Variants in OR10A3 observed in about 807,000 individuals in gnomAD.
OR10A3 encodes the protein olfactory receptor 10A3.
Under a neutral mutation model 1.5 loss-of-function variants are expected in OR10A3, and 1 was observed. That is an observed-to-expected ratio of 0.66 (90% CI 0.23 to 3.11). The LOEUF (loss-of-function observed/expected upper bound fraction) is 3.11. Ranked by LOEUF, OR10A3 falls within the 30% of genes most tolerant of loss-of-function variation. The pLI is 0.21. For synonymous variants in OR10A3, 145 were observed against 143.7 expected (o/e 1.01, Z -0.06); for missense variants, 398 against 369.7 (o/e 1.08, Z -0.63).
At position 7,938,541 on chromosome 11, in the gene OR10A3, G is replaced by T; in HGVS notation, c.*35C>A. On this transcript the variant is annotated 3_prime_UTR_variant, in exon 2 of 2. Transcript: ENST00000642047. ...TTAAATTTAAATAGAGTTCACTCAG[G>T]CAGTGGCCAAATCTTACTCAGCTTC... is the stretch of plus-strand genomic sequence containing the variant. The T allele has an allele frequency of 6.8e-7, 1 of 1,481,112 alleles. No individual in the cohort carries two copies. Among genetic ancestry groups the T allele is most frequent in the East Asian group, 2.3e-5 (1 of 43,972 alleles). 91.7% of individuals were successfully genotyped at this position (1,481,112 alleles called of 1,614,324 possible). A position where few individuals can be genotyped will look rare whatever the true frequency, so the allele number is the denominator to read the frequency against.
Position 7,939,432 on chromosome 11 carries a change from A to C in OR10A3, c.89T>G (p.Val30Gly). The change falls in exon 2 of 2, where the codon GTT (valine) becomes GGT (glycine). Residue 30 changes from valine (V) to glycine (G), a missense_variant. Physicochemically the swap from Val to Gly is moderately radical, Grantham distance 109. Transcript: ENST00000642047. Reference protein sequence around the residue: ...FPELQVQLFGVFLVIYVVTLM... With the variant: ...FPELQVQLFGGFLVIYVVTLM... ...GGTCACCACATAAATAACTAGGAAA[A>C]CCCCAAAGAGCTGCACCTGGAGCTC... is the stretch of plus-strand genomic sequence containing the variant. 10 of 1,613,068 alleles carry C rather than the reference A, an allele frequency of 6.2e-6. No homozygotes were observed. Among genetic ancestry groups the C allele is most frequent in the Non-Finnish European group, 8.5e-6 (10 of 1,179,774 alleles).
At chr11:7,941,489 TC>T (rs1198582839) in intron 1 of OR10A3, 97 bp downstream of exon 1, 2 of 152,166 alleles carry the variant, frequency 1.3e-5, no homozygotes, top group Non-Finnish European at 2.9e-5. Context: ...ACTACATACC[TC>T]TAAGAATTGA....
Position 7,938,838 on chromosome 11 carries a change from A to C in OR10A3, c.683T>G (p.Met228Arg). 6.2e-7 allele frequency: 1 copy of C among 1,614,224 alleles called. No individual in the cohort carries two copies. Among genetic ancestry groups the C allele is most frequent in the South Asian group, 1.1e-5 (1 of 91,088 alleles). Residue 228 changes from methionine (M) to arginine (R), a missense_variant, in exon 2 of 2, where the codon ATG becomes AGG. By Grantham distance (91) the Met-to-Arg change is moderately conservative. Coordinates refer to ENST00000642047, the MANE Select transcript of OR10A3 (RefSeq NM_001003745.2). ...CTTTTGTCTCCCAGTAGTTGATGGC[A>C]TCTTCAGGATGGCAAACAGAACTCG... ...YIRVLFAILK[M>R]PSTTGRQKAF... is the part of the protein sequence containing the mutation.
chr11:7,940,898 T>A (rs1941433120), intron 1 of OR10A3, among the ~76,000 whole-genome samples: 1 of 152,142 alleles, frequency 6.6e-6, no homozygotes, highest in Non-Finnish European at 1.5e-5. Context: ...AGAATTTTAC[T>A]GTGGGACAAG....
In OR10A3 at chr11:7,937,410, A is replaced by G. The variant is rs1049738596; in HGVS notation, c.*1166T>C. ...CTATTTAGGAACAAAAGGAAAGGCA[A>G]TTTTTTTGCCTGAGCCAGTTTCCAA... On this transcript the variant is annotated 3_prime_UTR_variant, in exon 2 of 2. Coordinates refer to ENST00000642047, the MANE Select transcript of OR10A3 (RefSeq NM_001003745.2). 2.0e-5 allele frequency: 3 copies of G among 152,078 alleles called. No homozygotes were observed. The highest frequency in any genetic ancestry group is 7.2e-5 in the African/African-American group (3 of 41,388). The allele number at this position is 152,078 out of a possible 1,614,324, so 9.4% of individuals were successfully genotyped here.
At chr11:7,940,422 C>T (rs1452486027) in intron 1 of OR10A3, among the ~76,000 whole-genome samples, 1 of 152,130 alleles carries the variant, frequency 6.6e-6, no homozygotes, top group African/African-American at 2.4e-5. Context: ...TCCTCCTGGC[C>T]TCACGAGTCC....
chr11:7,939,816 C>T (rs1941418425), intron 1 of OR10A3, 118 bp from the exon 2 acceptor site: 4 of 322,372 alleles, frequency 1.2e-5, no homozygotes, highest in Non-Finnish European at 2.2e-5. Flanking sequence ...CTCTCTCTCT[C>T]CTCTCTTAAT....
In OR10A3 at chr11:7,939,716, AGAAGT is replaced by A. The variant is rs936184913; in HGVS notation, c.-178-23_-178-19del. On this transcript the variant is annotated intron_variant, in intron 1 of 1. Coordinates refer to ENST00000642047, the MANE Select transcript of OR10A3 (RefSeq NM_001003745.2). ...TAGTGAATCTTTAAAATACAAATAA[AGAAGT>A]GAAGTATTTTGGTTCAGAAATCTTG... 1.7e-5 allele frequency: 8 copies of A among 460,012 alleles called. No homozygotes were observed. Among genetic ancestry groups the A allele is most frequent in the African/African-American group, 6.0e-5 (3 of 50,250 alleles). The allele number at this position is 460,012 out of a possible 1,614,324, so 28.5% of individuals were successfully genotyped here. A position where few individuals can be genotyped will look rare whatever the true frequency, so the allele number is the denominator to read the frequency against.
rs1347273980 is a variant in OR10A3, at chr11:7,939,048, A to G, written c.473T>C (p.Val158Ala). The G allele has an allele frequency of 1.2e-6, 2 of 1,614,062 alleles. No homozygotes were observed. The highest frequency in any genetic ancestry group is 8.5e-7 in the Non-Finnish European group (1 of 1,180,042). Residue 158 changes from valine (V) to alanine (A), a missense_variant, in exon 2 of 2, where the codon GTG (valine) becomes GCG (alanine). Physicochemically the swap from Val to Ala is moderately conservative, Grantham distance 64. Transcript: ENST00000642047. The part of the protein sequence containing the change: ...SWISGIMVAT[V>A]QTTWVFSFPF... ...AAAACTAAATACCCAAGTGGTCTGC[A>G]CAGTAGCCACCATGATCCCTGAGAT...
At position 7,938,909 on chromosome 11, in the gene OR10A3, A is replaced by C. The variant is rs1451680027; in HGVS notation, c.612T>G (p.Ile204Met). 2 of 1,614,244 alleles carry C rather than the reference A, an allele frequency of 1.2e-6. No homozygotes were observed. Among genetic ancestry groups the C allele is most frequent in the Admixed American group, 3.3e-5 (2 of 60,036 alleles). Residue 204 changes from isoleucine to methionine, a missense_variant, in exon 2 of 2, where the codon ATT (isoleucine) becomes ATG (methionine). Physicochemically the swap from Ile to Met is conservative, Grantham distance 10. Transcript: ENST00000642047. ...ACAAGAAAGGAACCATAACAATCAA[A>C]ATGGTGCCTGTGAAGGCATAGATTT... The part of the protein sequence containing the change: ...LFEIYAFTGT[I>M]LIVMVPFLLI...
Position 7,940,565 on chromosome 11 carries a change from AAAT to A in OR10A3, c.-178-870_-178-868del, listed in dbSNP as rs200089554. ...CAATCTGTACCTCAAATTTCTGACA[AAAT>A]AATATCACCCTCCCTCCGAGAAACT... is the stretch of plus-strand genomic sequence containing the variant. On this transcript the variant is annotated intron_variant, in intron 1 of 1. Coordinates refer to ENST00000642047, the MANE Select transcript of OR10A3 (RefSeq NM_001003745.2). 5.7e-3 allele frequency among the ~76,000 whole-genome samples: 868 copies of A among 152,086 alleles called. 5 individuals carry two copies. Among genetic ancestry groups the A allele is most frequent in the Middle Eastern group, 0.044 (13 of 294 alleles).
At position 7,939,109 on chromosome 11, in the gene OR10A3, T is replaced by C. The variant is rs904813035; in HGVS notation, c.412A>G (p.Arg138Gly). 6.2e-7 allele frequency: 1 copy of C among 1,613,962 alleles called. No homozygotes were observed. The highest frequency in any genetic ancestry group is 1.3e-5 in the African/African-American group (1 of 74,906). The part of the protein sequence containing the change: ...HPLNYPVIMN[R>G]GVFMKLVIFS... ...ATTACTAATTTCATAAAAACCCCTC[T>C]GTTCATAATCACTGGGTAGTTCAGA... The change falls in exon 2 of 2, where the codon AGA becomes GGA. Residue 138 changes from arginine (R) to glycine (G), a missense_variant. Coordinates refer to ENST00000642047, the MANE Select transcript of OR10A3 (RefSeq NM_001003745.2).
At chr11:7,940,624 T>C (rs990480453) in intron 1 of OR10A3, among the ~76,000 whole-genome samples, 9 of 151,084 alleles carry the variant, frequency 6.0e-5, no homozygotes, top group African/African-American at 1.9e-4. Context: ...TAAAATACAA[T>C]GCCCACTTCT....
intron 1 of OR10A3, among the ~76,000 whole-genome samples, chr11:7,941,017 G>A (rs1037436784): frequency 6.6e-6 from 1 of 152,030 alleles, no homozygotes; most frequent in Non-Finnish European, 1.5e-5. Flanking sequence ...TGACCATAGT[G>A]ATATTAAAAA....
chr11:7,941,394 A>C (rs1941441566), intron 1 of OR10A3, among the ~76,000 whole-genome samples, 193 bp downstream of exon 1: 1 of 152,166 alleles, frequency 6.6e-6, no homozygotes, highest in South Asian at 2.1e-4. Flanking sequence ...TTTCTGTATA[A>C]TCTTGGGCAA....
In OR10A3 at chr11:7,938,367, G is replaced by A; in HGVS notation, c.*209C>T. On this transcript the variant is annotated 3_prime_UTR_variant, in exon 2 of 2. Coordinates refer to ENST00000642047, the MANE Select transcript of OR10A3 (RefSeq NM_001003745.2). ...CTTGGATGTTCATAATAGAGAAATG[G>A]ATGAATAAACTGTTGTGTCATGTTA... is the stretch of plus-strand genomic sequence containing the variant. The A allele has an allele frequency of 2.0e-6, 1 of 495,840 alleles. No individual in the cohort carries two copies. The highest frequency in any genetic ancestry group is 3.5e-6 in the Non-Finnish European group (1 of 284,844). 30.7% of individuals were successfully genotyped at this position (495,840 alleles called of 1,614,324 possible).
chr11:7,939,310 C>A lies in OR10A3; in HGVS notation c.211G>T (p.Val71Leu), dbSNP rs772161705. 2 of 1,614,100 alleles carry A rather than the reference C, an allele frequency of 1.2e-6. No homozygotes were observed. Among genetic ancestry groups the A allele is most frequent in the East Asian group, 4.5e-5 (2 of 44,876 alleles). ...GGCGTAATGACTGCACTGAAACTCACCTCCACCACAGATAGGTTCAGGAGG... is the reference window on the plus strand; with the variant it reads ...GGCGTAATGACTGCACTGAAACTCAACTCCACCACAGATAGGTTCAGGAGG... The part of the protein sequence containing the change: ...LFLLNLSVVE[V>L]SFSAVITPEM... The change falls in exon 2 of 2, where the codon GTG becomes TTG. Residue 71 changes from valine to leucine, a missense_variant. Coordinates refer to ENST00000642047, the MANE Select transcript of OR10A3 (RefSeq NM_001003745.2).
chr11:7,938,976 G>A lies in OR10A3; in HGVS notation c.545C>T (p.Pro182Leu), dbSNP rs1941398053. ...NEINHLFCET[P>L]PVLELVCADT... ...TGCACACACAAGCTCTAGTACCGGG[G>A]GAGTCTCACAGAAGAGATGATTAAT... Residue 182 changes from proline (P) to leucine (L), a missense_variant, in exon 2 of 2, where the codon CCC becomes CTC. Coordinates refer to ENST00000642047, the MANE Select transcript of OR10A3 (RefSeq NM_001003745.2). The A allele has an allele frequency of 2.5e-6, 4 of 1,614,014 alleles. No individual in the cohort carries two copies. Among genetic ancestry groups the A allele is most frequent in the African/African-American group, 1.3e-5 (1 of 74,920 alleles).
chr11:7,938,963 C>A lies in OR10A3; in HGVS notation c.558G>T (p.Glu186Asp). ...HLFCETPPVLELVCADTFLFE... is the reference protein window; with the variant it reads ...HLFCETPPVLDLVCADTFLFE... ...ATAAGAAGGTGTCTGCACACACAAG[C>A]TCTAGTACCGGGGGAGTCTCACAGA... The change falls in exon 2 of 2, where the codon GAG becomes GAT. Residue 186 changes from glutamate (E) to aspartate (D), a missense_variant. Coordinates refer to ENST00000642047, the MANE Select transcript of OR10A3 (RefSeq NM_001003745.2). The A allele has an allele frequency of 1.2e-6, 2 of 1,614,158 alleles. No individual in the cohort carries two copies. The highest frequency in any genetic ancestry group is 2.2e-5 in the East Asian group (1 of 44,880).
Sources: gnomAD v4.1 joint callset for allele counts (sites outside exome capture counted in the v4.1 genomes callset) on GRCh38, gnomAD v4.1.1 for gene constraint, MANE v1.5 for transcripts, NCBI Gene and HGNC (gene_info 2026-07-23, HGNC 2026-07-21) for gene names.